Variants in KIAA0825 observed in about 807,000 individuals in gnomAD.
KIAA0825 encodes the protein uncharacterized protein KIAA0825.
In KIAA0825, 119 loss-of-function variants were observed where a neutral mutation model predicts 147.6. The observed-to-expected ratio is 0.81, with a 90% CI of 0.69 to 0.94. The LOEUF is 0.94. Ranked by LOEUF, KIAA0825 falls within the 40% of genes least tolerant of loss-of-function variation. The probability of loss-of-function intolerance (pLI) is 0.00; values close to 1 mark genes in which losing one functional copy is unlikely to be tolerated. For missense variants in KIAA0825, 1,381 were observed against 1,472.7 expected (o/e 0.94, Z 1.02); for synonymous variants, 470 against 518.1 (o/e 0.91, Z 1.26).
intron 20 of KIAA0825, among the ~76,000 whole-genome samples, chr5:94,325,315 T>C (rs1481868416): frequency 6.6e-6 from 1 of 151,956 alleles, no homozygotes. Flanking sequence ...GCCCTCCTTA[T>C]GTTATTATAC....
At chr5:94,371,095 T>C (rs1361132808) in intron 20 of KIAA0825, among the ~76,000 whole-genome samples, 1 of 152,104 alleles carries the variant, frequency 6.6e-6, no homozygotes, top group African/African-American at 2.4e-5. Flanking sequence ...TCCTGTACCA[T>C]TTGAAATAAT....
At chr5:94,338,428 T>C (rs933736281) in intron 20 of KIAA0825, among the ~76,000 whole-genome samples, 4 of 152,210 alleles carry the variant, frequency 2.6e-5, no homozygotes, top group Admixed American at 1.3e-4. Flanking sequence ...ATTTACTTTA[T>C]GTGTGTATGT....
chr5:94,387,210 T>C (rs889146478), intron 18 of KIAA0825, among the ~76,000 whole-genome samples: 3 of 152,224 alleles, frequency 2.0e-5, no homozygotes, highest in Admixed American at 2.0e-4. Flanking sequence ...TGTCACAATG[T>C]AATTTTTTTC....
At chr5:94,594,084 T>C (rs535671355) in intron 1 of KIAA0825, 4 of 542,158 alleles carry the variant, frequency 7.4e-6, no homozygotes, top group African/African-American at 5.8e-5. Flanking sequence ...TATTGGATCC[T>C]CTTATGTTAG....
chr5:94,280,007 G>A (rs577696832), intron 20 of KIAA0825, among the ~76,000 whole-genome samples: 5 of 152,172 alleles, frequency 3.3e-5, no homozygotes, highest in African/African-American at 9.6e-5. Context: ...AGCATCAAAC[G>A]ATATCTTTAG....
chr5:94,571,160 ATGT>A (rs1194891644), intron 2 of KIAA0825, among the ~76,000 whole-genome samples: 1 of 152,220 alleles, frequency 6.6e-6, no homozygotes, highest in Non-Finnish European at 1.5e-5. Context: ...CATTTATATG[ATGT>A]TGTGTTCCAC....
At chr5:94,567,984 C>A (rs116664234) in intron 2 of KIAA0825, 1 of 159,834 alleles carries the variant, frequency 6.3e-6, no homozygotes, top group South Asian at 1.9e-4. Flanking sequence ...GCCACCACCA[C>A]CCTGTTCGCA....
At chr5:94,357,114 T>A (rs1170473706) in intron 20 of KIAA0825, among the ~76,000 whole-genome samples, 1 of 152,188 alleles carries the variant, frequency 6.6e-6, no homozygotes, top group Non-Finnish European at 1.5e-5. Flanking sequence ...ACCACACAGG[T>A]AACTTGAAGT....
chr5:94,251,084 T>C (rs1331214298), intron 20 of KIAA0825, among the ~76,000 whole-genome samples: 1 of 152,078 alleles, frequency 6.6e-6, no homozygotes, highest in Non-Finnish European at 1.5e-5. Context: ...TATTTCATTG[T>C]TGGGTGACCC....
chr5:94,419,359 A>G (rs752372418), intron 14 of KIAA0825, among the ~76,000 whole-genome samples: 19 of 152,102 alleles, frequency 1.2e-4, no homozygotes, highest in South Asian at 2.1e-4. Context: ...CCTCCAATTC[A>G]TCTTACATAA....
In KIAA0825 at chr5:94,473,525, A is replaced by G; in HGVS notation, c.1228-6T>C. 6.7e-7 allele frequency: 1 copy of G among 1,496,234 alleles called. No individual in the cohort carries two copies. The highest frequency in any genetic ancestry group is 9.1e-7 in the Non-Finnish European group (1 of 1,096,496). The allele number at this position is 1,496,234 out of a possible 1,614,324, so 92.7% of individuals were successfully genotyped here. ...CCAAAATCTAGTAAGGTAGCCTGAA[A>G]TATCAATGTATATGAAGTCATGTTA... is the stretch of plus-strand genomic sequence containing the variant. On this transcript the variant is annotated splice_polypyrimidine_tract_variant and splice_region_variant and intron_variant, in intron 7 of 20. Coordinates refer to ENST00000682413, the MANE Select transcript of KIAA0825 (RefSeq NM_001145678.3).
intron 2 of KIAA0825, among the ~76,000 whole-genome samples, chr5:94,553,647 T>G (rs1775978691): frequency 6.6e-6 from 1 of 151,240 alleles, no homozygotes; most frequent in South Asian, 2.1e-4. Context: ...ACGCCTGTAA[T>G]CCCAGCTACT....
chr5:94,393,571 A>G (rs1322934341), intron 17 of KIAA0825, among the ~76,000 whole-genome samples: 1 of 152,210 alleles, frequency 6.6e-6, no homozygotes, highest in Non-Finnish European at 1.5e-5. Context: ...AAATGGTATC[A>G]TGTAGTTTCA....
intron 20 of KIAA0825, among the ~76,000 whole-genome samples, chr5:94,314,459 A>C (rs1779465027): frequency 6.6e-6 from 1 of 151,676 alleles, no homozygotes; most frequent in East Asian, 1.9e-4. Context: ...AAGGCATCTA[A>C]TTTTTCCCAG....
At chr5:94,252,864 C>T (rs922413787) in intron 20 of KIAA0825, among the ~76,000 whole-genome samples, 2 of 152,014 alleles carry the variant, frequency 1.3e-5, no homozygotes, top group Non-Finnish European at 2.9e-5. Flanking sequence ...TAGTGATGAA[C>T]AGACTGATTC....
intron 20 of KIAA0825, among the ~76,000 whole-genome samples, chr5:94,224,707 A>G (rs988976152): frequency 6.6e-6 from 1 of 152,192 alleles, no homozygotes; most frequent in Admixed American, 6.5e-5. Context: ...AACAATGGCT[A>G]AGGGCTAACA....
chr5:94,222,262 C>G (rs561967055), intron 20 of KIAA0825, among the ~76,000 whole-genome samples: 1 of 152,246 alleles, frequency 6.6e-6, no homozygotes, highest in South Asian at 2.1e-4. Flanking sequence ...GGGCCTTTCT[C>G]TCCTCTCCCA....
At chr5:94,256,655 T>C (rs1776267804) in intron 20 of KIAA0825, among the ~76,000 whole-genome samples, 1 of 152,158 alleles carries the variant, frequency 6.6e-6, no homozygotes, top group African/African-American at 2.4e-5. Flanking sequence ...ATTTGCCTTC[T>C]TCAACATATG....
intron 20 of KIAA0825, among the ~76,000 whole-genome samples, chr5:94,214,237 C>T (rs924273304): frequency 2.6e-5 from 4 of 152,046 alleles, no homozygotes; most frequent in Middle Eastern, 3.2e-3. Context: ...ATATTTTTCC[C>T]TGCAATTAGT....
Sources: gnomAD v4.1 joint callset for allele counts (sites outside exome capture counted in the v4.1 genomes callset) on GRCh38, gnomAD v4.1.1 for gene constraint, MANE v1.5 for transcripts, NCBI Gene and HGNC (gene_info 2026-07-23, HGNC 2026-07-21) for gene names.